The following SYT5 variants were observed in gnomAD, a reference collection of about 807,000 sequenced individuals.
SYT5 encodes synaptotagmin-5.
SYT5 carries 29 observed loss-of-function variants against 36.0 expected under a neutral mutation model. The ratio of observed to expected loss-of-function variants is 0.81; its 90% confidence interval spans 0.60 to 1.10. The LOEUF (loss-of-function observed/expected upper bound fraction) is 1.10. Among genes scored for constraint, SYT5 ranks in the 50% least tolerant of loss-of-function variants. SYT5 has a pLI of 0.00. For synonymous variants in SYT5, 231 were observed against 227.6 expected, an observed-to-expected ratio of 1.02 and a Z score of -0.14; for missense variants, 512 against 516.0, an observed-to-expected ratio of 0.99 and a Z score of 0.08.
intron 8 of SYT5, 152 bp downstream of exon 8, chr19:55,174,365 G>T: frequency 9.5e-7 from 1 of 1,048,738 alleles, no homozygotes; most frequent in Non-Finnish European, 1.3e-6. Flanking sequence ...AGTGGAAGAG[G>T]CTTCCTGGTC....
chr19:55,177,249 A>C (rs1277615658), intron 3 of SYT5: 1 of 152,212 alleles, frequency 6.6e-6, no homozygotes, highest in Non-Finnish European at 1.5e-5. Flanking sequence ...AGTTCTCCAG[A>C]CACTTCACTC....
rs748527798 is a variant in SYT5 at position 55,179,013 on chromosome 19, G to GGCC, written c.26_28dup (p.Gly9_Pro10insArg). On this transcript the variant is annotated inframe_insertion, in exon 2 of 9. Transcript: ENST00000354308. This position sits in a 1 kb window ranked among gnomAD's most constrained non-coding sequence, Gnocchi z 4.5. ...GTCGGGAGGCGTGTCGGGCGATGGA[G>GGCC]GCCCCGGGGTTGGGGGCTCCGGGAA... The GGCC allele has an allele frequency of 1.1e-5, 18 of 1,601,944 alleles. No homozygotes were observed.
chr19:55,174,664 G>A lies in SYT5; in HGVS notation c.827-14C>T. 6.2e-7 allele frequency: 1 copy of A among 1,613,990 alleles called. No individual in the cohort carries two copies. The highest frequency in any genetic ancestry group is 8.5e-7 in the Non-Finnish European group (1 of 1,179,958). ...TGACGTATGGATCTGGGGAGAGGAAGGAGGAGTCTTATAGCTCCCCACTGC... is the reference window on the plus strand; with the variant it reads ...TGACGTATGGATCTGGGGAGAGGAAAGAGGAGTCTTATAGCTCCCCACTGC... On this transcript the variant is annotated splice_polypyrimidine_tract_variant and intron_variant, in intron 7 of 8. Transcript: ENST00000354308.
chr19:55,173,677 T>A lies in SYT5; in HGVS notation c.968A>T (p.Gln323Leu). Residue 323 changes from glutamine to leucine, a missense_variant, in exon 9 of 9, where the codon CAG becomes CTG. By Grantham distance (113) the Gln-to-Leu change is moderately radical. Transcript: ENST00000354308. This position sits in a 1 kb window ranked among gnomAD's most constrained non-coding sequence, Gnocchi z 5.4. The stretch of plus-strand genomic sequence containing the variant: ...GTAGTCCAGCACGGTCAGCTCCACC[T>A]GCACCTTCTGGGGTGGGCGCGGGAG... ...EVPCDQVQKV[Q>L]VELTVLDYDK... is the part of the protein sequence containing the mutation. 7.1e-7 allele frequency: 1 copy of A among 1,411,856 alleles called. No individual in the cohort carries two copies. Among genetic ancestry groups the A allele is most frequent in the South Asian group, 1.5e-5 (1 of 65,108 alleles). 87.5% of individuals were successfully genotyped at this position (1,411,856 alleles called of 1,614,324 possible).
At position 55,173,816 on chromosome 19, in the gene SYT5, C is replaced by T. The variant is rs966188528; in HGVS notation, c.961-132G>A. ...GGGCTCGGGGCCCCGGAGCTCGGGA[C>T]GGGGGAGGGGGTGGGAGACGAGAGG... On this transcript the variant is annotated intron_variant, in intron 8 of 8. Transcript: ENST00000354308. This position sits in a 1 kb window ranked among gnomAD's most constrained non-coding sequence, Gnocchi z 5.4. 3.3e-6 allele frequency: 3 copies of T among 917,584 alleles called. No homozygotes were observed. The highest frequency in any genetic ancestry group is 4.0e-5 in the South Asian group (1 of 25,036). The allele number at this position is 917,584 out of a possible 1,614,324, so 56.8% of individuals were successfully genotyped here. A position where few individuals can be genotyped will look rare whatever the true frequency, so the allele number is the denominator to read the frequency against.
At position 55,178,294 on chromosome 19, in the gene SYT5, G is replaced by A. The variant is rs761426547; in HGVS notation, c.154C>T (p.Arg52Trp). The change falls in exon 3 of 9, where the codon CGG becomes TGG. Residue 52 changes from arginine to tryptophan, a missense_variant. Transcript: ENST00000354308. ...LIFSCCFCLYRKSCRRRTGKK... is the reference protein window; with the variant it reads ...LIFSCCFCLYWKSCRRRTGKK... ...CCTGTCCGCCTCCGACAGCTCTTCC[G>A]GTAGAGACAGAAACAGCAGCTGAAG... is the stretch of plus-strand genomic sequence containing the variant. The A allele has an allele frequency of 5.5e-5, 89 of 1,611,728 alleles. No homozygotes were observed. Among genetic ancestry groups the A allele is most frequent in the Middle Eastern group, 3.3e-4 (2 of 6,084 alleles).
At position 55,174,517 on chromosome 19, in the gene SYT5, C is replaced by G; in HGVS notation, c.960G>C (p.Gln320His). 2.5e-6 allele frequency: 4 copies of G among 1,613,956 alleles called. No individual in the cohort carries two copies. Among genetic ancestry groups the G allele is most frequent in the Non-Finnish European group, 3.4e-6 (4 of 1,179,894 alleles). Residue 320 changes from glutamine to histidine, a missense_variant and splice_region_variant, in exon 8 of 9, where the codon CAG becomes CAC. Physicochemically the swap from Gln to His is conservative, Grantham distance 24. Transcript: ENST00000354308. ...TGGAGAAGGGCAGGTTTGAGCTCAC[C>G]TGGACTTGGTCACAGGGCACCTCGA... The part of the protein sequence containing the change: ...FSFEVPCDQV[Q>H]KVQVELTVLD...
Position 55,173,619 on chromosome 19 carries a change from C to T in SYT5, c.1026G>A (p.Arg342=). ...DKLGKNEAIG[R]VAVGAAAGGA... ...CGCCGGCGGCCGCCCCCACGGCCAC[C>T]CTCCCGATGGCCTCGTTCTTGCCCA... The change falls in exon 9 of 9, where the codon AGG becomes AGA. Residue 342 remains arginine, a synonymous_variant. Transcript: ENST00000354308. This position sits in a 1 kb window ranked among gnomAD's most constrained non-coding sequence, Gnocchi z 5.4. 6.7e-7 allele frequency: 1 copy of T among 1,490,386 alleles called. No homozygotes were observed. Among genetic ancestry groups the T allele is most frequent in the African/African-American group, 1.5e-5 (1 of 68,294 alleles). The allele number at this position is 1,490,386 out of a possible 1,614,324, so 92.3% of individuals were successfully genotyped here. A position where few individuals can be genotyped will look rare whatever the true frequency, so the allele number is the denominator to read the frequency against.
chr19:55,179,287 C>T lies in SYT5; in HGVS notation c.-45-201G>A, dbSNP rs1332689868. On this transcript the variant is annotated intron_variant, in intron 1 of 8. Transcript: ENST00000354308. This position sits in a 1 kb window ranked among gnomAD's most constrained non-coding sequence, Gnocchi z 4.5. Reference sequence around the variant, plus strand: ...TTCCATCCTAAAGGGATACCCTCTTCCTCCACGGCCCCACAGGCATCCCGC... The same window carrying T: ...TTCCATCCTAAAGGGATACCCTCTTTCTCCACGGCCCCACAGGCATCCCGC... 5.1e-6 allele frequency: 7 copies of T among 1,359,242 alleles called. No homozygotes were observed. Among genetic ancestry groups the T allele is most frequent in the Admixed American group, 3.4e-5 (1 of 29,492 alleles). The allele number at this position is 1,359,242 out of a possible 1,614,324, so 84.2% of individuals were successfully genotyped here. A position where few individuals can be genotyped will look rare whatever the true frequency, so the allele number is the denominator to read the frequency against.
chr19:55,173,719 C>A lies in SYT5; in HGVS notation c.961-35G>T. 7.6e-7 allele frequency: 1 copy of A among 1,324,202 alleles called. No individual in the cohort carries two copies. The highest frequency in any genetic ancestry group is 9.7e-7 in the Non-Finnish European group (1 of 1,029,292). The allele number at this position is 1,324,202 out of a possible 1,614,324, so 82.0% of individuals were successfully genotyped here. A position where few individuals can be genotyped will look rare whatever the true frequency, so the allele number is the denominator to read the frequency against. On this transcript the variant is annotated intron_variant, in intron 8 of 8. Transcript: ENST00000354308. This position sits in a 1 kb window ranked among gnomAD's most constrained non-coding sequence, Gnocchi z 5.4. ...GCGCGGGAGGAAGAGGAGAGAGGAG[C>A]GTGAGGGGAGGAGGCCCCGGAAGGG...
chr19:55,177,931 A>G (rs56666700), intron 3 of SYT5, among the ~76,000 whole-genome samples: 11,788 of 152,278 alleles, frequency 0.077, 1,001 homozygotes, highest in Admixed American at 0.24. Context: ...GAGACCCTGT[A>G]GTATGGCACA....
chr19:55,173,669 G>C lies in SYT5; in HGVS notation c.976C>G (p.Leu326Val). Residue 326 changes from leucine (L) to valine (V), a missense_variant, in exon 9 of 9, where the codon CTG becomes GTG. Leu to Val is a conservative substitution (Grantham distance 32). Transcript: ENST00000354308. This position sits in a 1 kb window ranked among gnomAD's most constrained non-coding sequence, Gnocchi z 5.4. ...AGCTTGTCGTAGTCCAGCACGGTCA[G>C]CTCCACCTGCACCTTCTGGGGTGGG... is the stretch of plus-strand genomic sequence containing the variant. ...CDQVQKVQVE[L>V]TVLDYDKLGK... 1 of 1,440,214 alleles carries C rather than the reference G, an allele frequency of 6.9e-7. No individual in the cohort carries two copies. The highest frequency in any genetic ancestry group is 1.4e-5 in the South Asian group (1 of 69,378). The allele number at this position is 1,440,214 out of a possible 1,614,324, so 89.2% of individuals were successfully genotyped here.
rs2086064856 is a variant in SYT5 at position 55,175,433 on chromosome 19, G to A, written c.541-94C>T. Reference sequence around the variant, plus strand: ...GAAGGAAGGCATGGAGTGAGGCAGCGAGGGTCGAAGCGAACAGTTGGGGGA... The same window carrying A: ...GAAGGAAGGCATGGAGTGAGGCAGCAAGGGTCGAAGCGAACAGTTGGGGGA... On this transcript the variant is annotated intron_variant, in intron 5 of 8. Coordinates refer to ENST00000354308, the MANE Select transcript of SYT5 (RefSeq NM_003180.3). This position sits in a 1 kb window ranked among gnomAD's most constrained non-coding sequence, Gnocchi z 4.5. 6 of 1,342,320 alleles carry A rather than the reference G, an allele frequency of 4.5e-6. No homozygotes were observed. The highest frequency in any genetic ancestry group is 1.5e-5 in the African/African-American group (1 of 68,170). 83.2% of individuals were successfully genotyped at this position (1,342,320 alleles called of 1,614,324 possible). A position where few individuals can be genotyped will look rare whatever the true frequency, so the allele number is the denominator to read the frequency against.
chr19:55,174,506 T>G lies in SYT5; in HGVS notation c.960+11A>C, dbSNP rs907721613. On this transcript the variant is annotated intron_variant, in intron 8 of 8. Coordinates refer to ENST00000354308, the MANE Select transcript of SYT5 (RefSeq NM_003180.3). Reference sequence around the variant, plus strand: ...GTCTGGGCTCTTGGAGAAGGGCAGGTTTGAGCTCACCTGGACTTGGTCACA... The same window carrying G: ...GTCTGGGCTCTTGGAGAAGGGCAGGGTTGAGCTCACCTGGACTTGGTCACA... The G allele has an allele frequency of 1.2e-6, 2 of 1,613,422 alleles. No homozygotes were observed. The highest frequency in any genetic ancestry group is 1.7e-6 in the Non-Finnish European group (2 of 1,179,574).
rs1260137786 is a variant in SYT5 at position 55,174,868 on chromosome 19, T to C, written c.826+14A>G. The C allele has an allele frequency of 1.2e-6, 2 of 1,613,160 alleles. No homozygotes were observed. The highest frequency in any genetic ancestry group is 3.3e-5 in the Admixed American group (2 of 59,986). On this transcript the variant is annotated intron_variant, in intron 7 of 8. Transcript: ENST00000354308. ...GCCATCCCCACACACCCCACTCCCT[T>C]GCTTCCCACACACCTGACAGTCCTC...
At position 55,175,692 on chromosome 19, in the gene SYT5, T is replaced by C; in HGVS notation, c.540+17A>G. 6.2e-7 allele frequency: 1 copy of C among 1,611,852 alleles called. No homozygotes were observed. The highest frequency in any genetic ancestry group is 8.5e-7 in the Non-Finnish European group (1 of 1,179,394). On this transcript the variant is annotated intron_variant, in intron 5 of 8. Coordinates refer to ENST00000354308, the MANE Select transcript of SYT5 (RefSeq NM_003180.3). The surrounding 1 kb of genome is among the most constrained non-coding windows in gnomAD (Gnocchi z 4.5). ...GGCACAGGCTATGGAACACGGGGCC[T>C]GAAGGCAGGAGCTCACCTTGAAGGC...
chr19:55,173,568 G>A lies in SYT5; in HGVS notation c.1077C>T (p.Asp359=). The A allele has an allele frequency of 6.8e-7, 1 of 1,465,032 alleles. No homozygotes were observed. Among genetic ancestry groups the A allele is most frequent in the Non-Finnish European group, 9.0e-7 (1 of 1,109,246 alleles). The allele number at this position is 1,465,032 out of a possible 1,614,324, so 90.8% of individuals were successfully genotyped here. Residue 359 remains aspartate, a synonymous_variant, in exon 9 of 9, where the codon GAC becomes GAT. Transcript: ENST00000354308. This position sits in a 1 kb window ranked among gnomAD's most constrained non-coding sequence, Gnocchi z 5.4. ...TGGGCCGCCGCGGGTTGGCCAGCAT[G>A]TCCGCCCAGTGCCGCAGGCCAGCCC... The part of the protein sequence containing the change: ...AGGAGLRHWA[D]MLANPRRPIA...
chr19:55,173,428 G>C lies in SYT5; in HGVS notation c.*56C>G. 1 of 1,302,444 alleles carries C rather than the reference G, an allele frequency of 7.7e-7. No homozygotes were observed. The highest frequency in any genetic ancestry group is 9.8e-7 in the Non-Finnish European group (1 of 1,023,520). 80.7% of individuals were successfully genotyped at this position (1,302,444 alleles called of 1,614,324 possible). The stretch of plus-strand genomic sequence containing the variant: ...GGCTGGCTTGGCTTTGGCCGGTCTC[G>C]GGAGTCTGGGGTCAGGGGCTAGAGT... On this transcript the variant is annotated 3_prime_UTR_variant, in exon 9 of 9. Transcript: ENST00000354308. This position sits in a 1 kb window ranked among gnomAD's most constrained non-coding sequence, Gnocchi z 5.4.
intron 7 of SYT5, 89 bp from the exon 8 acceptor site, chr19:55,174,739 C>G: frequency 6.3e-7 from 1 of 1,592,718 alleles, no homozygotes. Context: ...TCGGGTCTCC[C>G]TAGCTCTATG....
Sources: gnomAD v4.1 joint callset for allele counts (sites outside exome capture counted in the v4.1 genomes callset) on GRCh38, gnomAD v4.1.1 for gene constraint, Gnocchi (gnomAD v3.1) non-coding constraint, MANE v1.5 for transcripts, NCBI Gene and HGNC (gene_info 2026-07-23, HGNC 2026-07-21) for gene names.